MTR: variants seen among roughly 807,000 people sequenced by gnomAD.
MTR encodes the protein 5-methyltetrahydrofolate-homocysteine methyltransferase.
Under a neutral mutation model 154.8 loss-of-function variants are expected in MTR, and 84 were observed. That is an observed-to-expected ratio of 0.54 (90% CI 0.45 to 0.65). The LOEUF is 0.65. Ranked by LOEUF, MTR falls within the 30% of genes least tolerant of loss-of-function variation. MTR has a pLI of 0.00. For missense variants in MTR, 1,275 were observed against 1,570.2 expected (o/e 0.81, Z 3.18); for synonymous variants, 554 against 553.9 (o/e 1.00, Z 0.00).
chr1:236,795,928 C>T (rs990999134), intron 1 of MTR, among the ~76,000 whole-genome samples, 191 bp downstream of exon 1: 1 of 152,252 alleles, frequency 6.6e-6, no homozygotes, highest in African/African-American at 2.4e-5. Flanking sequence ...TTTGTCCGAC[C>T]TTCACCTCTT....
In MTR at chr1:236,806,124, A is replaced by G. The variant is rs1558273358; in HGVS notation, c.250-20A>G. On this transcript the variant is annotated intron_variant, in intron 2 of 32. Coordinates refer to ENST00000366577, the MANE Select transcript of MTR (RefSeq NM_000254.3). ...AGAAACTCTAAAGCTCATAATTGAC[A>G]TTATAATCTCTTGTTGCAGGAATAC... 2 of 1,602,630 alleles carry G rather than the reference A, an allele frequency of 1.2e-6. No homozygotes were observed. The highest frequency in any genetic ancestry group is 1.7e-6 in the Non-Finnish European group (2 of 1,169,648).
intron 32 of MTR, 93 bp downstream of exon 32, chr1:236,897,211 G>A (rs2147961587): frequency 6.9e-6 from 7 of 1,017,650 alleles, no homozygotes; most frequent in East Asian, 2.4e-5. Context: ...ATAAAGTGAG[G>A]GGAAAGGATG....
At chr1:236,807,014 G>A (rs1225936404) in intron 3 of MTR, among the ~76,000 whole-genome samples, 1 of 151,912 alleles carries the variant, frequency 6.6e-6, no homozygotes, top group Admixed American at 6.6e-5. Context: ...TCTACCTTTC[G>A]GCTATTGTGA....
chr1:236,832,096 A>G lies in MTR; in HGVS notation c.1188+18A>G. On this transcript the variant is annotated intron_variant, in intron 13 of 32. Transcript: ENST00000366577. ...ACTATGAAGTGAGCATCTTAATAAGACCCCTGAGGCATCTGCCCATGTCTT... is the reference window on the plus strand; with the variant it reads ...ACTATGAAGTGAGCATCTTAATAAGGCCCCTGAGGCATCTGCCCATGTCTT... 1 of 1,575,940 alleles carries G rather than the reference A, an allele frequency of 6.3e-7. No homozygotes were observed. The highest frequency in any genetic ancestry group is 2.2e-5 in the East Asian group (1 of 44,696).
In MTR at chr1:236,824,133, G is replaced by T; in HGVS notation, c.779G>T (p.Cys260Phe). 6.2e-7 allele frequency: 1 copy of T among 1,613,802 alleles called. No individual in the cohort carries two copies. The highest frequency in any genetic ancestry group is 8.5e-7 in the Non-Finnish European group (1 of 1,179,792). Residue 260 changes from cysteine to phenylalanine, a missense_variant, in exon 9 of 33, where the codon TGT (cysteine) becomes TTT (phenylalanine). Cys to Phe is a radical substitution (Grantham distance 205). Transcript: ENST00000366577. ...HGEPLCIGLN[C>F]ALGAAEMRPF... is the part of the protein sequence containing the mutation. ...TGTTTTTCTAGCATTGGATTAAATTGTGCTTTGGGTGCAGCTGAAATGAGA... is the reference window on the plus strand; with the variant it reads ...TGTTTTTCTAGCATTGGATTAAATTTTGCTTTGGGTGCAGCTGAAATGAGA...
At position 236,886,279 on chromosome 1, in the gene MTR, T is replaced by A; in HGVS notation, c.2776-13T>A. The A allele has an allele frequency of 6.2e-7, 1 of 1,612,866 alleles. No homozygotes were observed. The highest frequency in any genetic ancestry group is 8.5e-7 in the Non-Finnish European group (1 of 1,179,296). On this transcript the variant is annotated splice_polypyrimidine_tract_variant and intron_variant, in intron 26 of 32. Transcript: ENST00000366577. ...TAAGAGTGTCTAACTAATTTTTCTTTGTTTTTTAACAGGAGAGGAGATACT... is the reference window on the plus strand; with the variant it reads ...TAAGAGTGTCTAACTAATTTTTCTTAGTTTTTTAACAGGAGAGGAGATACT...
intron 19 of MTR, 55 bp downstream of exon 19, chr1:236,859,977 C>A: frequency 1.4e-6 from 2 of 1,467,726 alleles, no homozygotes; most frequent in Non-Finnish European, 9.5e-7. Context: ...GCTGACTGAT[C>A]CTGTTGTGGG....
At chr1:236,871,675 G>A (rs1419334728) in intron 22 of MTR, among the ~76,000 whole-genome samples, 4 of 151,970 alleles carry the variant, frequency 2.6e-5, no homozygotes, top group Admixed American at 2.0e-4. Flanking sequence ...GAAAAAAAAA[G>A]CATGTGGTAC....
At chr1:236,806,052 T>G in intron 2 of MTR, 92 bp from the exon 3 acceptor site, 1 of 1,029,218 alleles carries the variant, frequency 9.7e-7, no homozygotes, top group Non-Finnish European at 1.5e-6. Flanking sequence ...AAAAGGTAGC[T>G]GCTGATAATG....
chr1:236,835,764 A>G, intron 14 of MTR, 77 bp downstream of exon 14: 3 of 1,585,280 alleles, frequency 1.9e-6, no homozygotes, highest in African/African-American at 1.3e-5. Context: ...CAGTTGTCCC[A>G]TTAATCTGTG....
intron 25 of MTR, among the ~76,000 whole-genome samples, chr1:236,884,010 T>G (rs149927984): frequency 1.0e-3 from 157 of 152,324 alleles, no homozygotes; most frequent in African/African-American, 3.5e-3. Flanking sequence ...GTAATTTTAT[T>G]TTGTGTTTTG....
intron 2 of MTR, among the ~76,000 whole-genome samples, chr1:236,804,260 G>T (rs1660850291): frequency 6.6e-6 from 1 of 152,278 alleles, no homozygotes; most frequent in South Asian, 2.1e-4. Flanking sequence ...AAATCCTAAT[G>T]CCTAGTGTGA....
intron 22 of MTR, among the ~76,000 whole-genome samples, chr1:236,865,266 T>C (rs527850629): frequency 1.3e-5 from 2 of 152,396 alleles, no homozygotes; most frequent in East Asian, 1.9e-4. Context: ...GATGAAACGT[T>C]ACTTTCATTT....
intron 14 of MTR, among the ~76,000 whole-genome samples, chr1:236,837,976 T>C (rs1392703661): frequency 6.6e-6 from 1 of 152,204 alleles, no homozygotes; most frequent in Non-Finnish European, 1.5e-5. Flanking sequence ...GTAAAGAACT[T>C]GATTTTCTAA....
At chr1:236,845,321 A>G (rs937560021) in intron 15 of MTR, among the ~76,000 whole-genome samples, 1 of 152,278 alleles carries the variant, frequency 6.6e-6, no homozygotes, top group Non-Finnish European at 1.5e-5. Flanking sequence ...GCTAGTTATG[A>G]AAGATATACA....
At chr1:236,813,764 A>G (rs995533340) in intron 6 of MTR, among the ~76,000 whole-genome samples, 1 of 152,158 alleles carries the variant, frequency 6.6e-6, no homozygotes. Flanking sequence ...CCCTCTCAAT[A>G]ATAAGTAGCA....
intron 4 of MTR, among the ~76,000 whole-genome samples, chr1:236,809,474 T>C (rs145141914): frequency 6.6e-6 from 1 of 152,350 alleles, no homozygotes; most frequent in Non-Finnish European, 1.5e-5. Flanking sequence ...AAAGCAGAAT[T>C]GCTGTGAAGT....
At chr1:236,795,780 A>C (rs1307059041) in intron 1 of MTR, 43 bp downstream of exon 1, 1 of 1,613,832 alleles carries the variant, frequency 6.2e-7, no homozygotes, top group South Asian at 1.1e-5. Flanking sequence ...TGTGTTTCTT[A>C]ACTCGTGCTG....
chr1:236,816,323 T>G, intron 7 of MTR, 126 bp from the exon 8 acceptor site: 2 of 825,766 alleles, frequency 2.4e-6, no homozygotes, highest in Non-Finnish European at 2.1e-6. Flanking sequence ...CCTTTGAATT[T>G]GAGTTCCACA....
Sources: gnomAD v4.1 joint callset for allele counts (sites outside exome capture counted in the v4.1 genomes callset) on GRCh38, gnomAD v4.1.1 for gene constraint, MANE v1.5 for transcripts, NCBI Gene and HGNC (gene_info 2026-07-23, HGNC 2026-07-21) for gene names.